NID2: variants seen among roughly 807,000 people sequenced by gnomAD.
NID2 encodes nidogen-2.
Under a neutral mutation model 145.4 loss-of-function variants are expected in NID2, and 83 were observed. That is an observed-to-expected ratio of 0.57 (90% CI 0.48 to 0.69). NID2 has a LOEUF of 0.69. Among genes scored for constraint, NID2 ranks in the 30% least tolerant of loss-of-function variants. NID2 has a pLI of 0.00. For missense variants in NID2, 1,807 were observed against 1,765.7 expected, an observed-to-expected ratio of 1.02 and a Z score of -0.42; for synonymous variants, 739 against 701.3, an observed-to-expected ratio of 1.05 and a Z score of -0.85.
rs1301665202 is a variant in NID2, at chr14:52,060,243, A to G, written c.648T>C (p.Asn216=). ...CCCGAGCTGGAAGCTGAAGCTGGAC[A>G]TTGTAAGACTCTTTGGGGCGGGTTC... ...FLGTRPKESY[N]VQLQLPARVG... is the part of the protein sequence containing the mutation. Residue 216 remains asparagine, a synonymous_variant, in exon 3 of 22, where the codon AAT becomes AAC. Transcript: ENST00000216286. 6 of 1,613,996 alleles carry G rather than the reference A, an allele frequency of 3.7e-6. No homozygotes were observed. The highest frequency in any genetic ancestry group is 2.2e-5 in the East Asian group (1 of 44,858).
chr14:52,055,049 G>T (rs1351111010), intron 3 of NID2, among the ~76,000 whole-genome samples: 1 of 152,196 alleles, frequency 6.6e-6, no homozygotes, highest in Admixed American at 6.5e-5. Context: ...ACACCCAAAT[G>T]ACTACGACAT....
intron 5 of NID2, among the ~76,000 whole-genome samples, chr14:52,047,187 A>T (rs1387102630): frequency 6.6e-6 from 1 of 152,232 alleles, no homozygotes; most frequent in East Asian, 1.9e-4. Flanking sequence ...GTCAATAAAC[A>T]AGTAAATTAC....
At chr14:52,030,519 A>AGAAG in intron 9 of NID2, among the ~76,000 whole-genome samples, 1 of 27,606 alleles carries the variant, frequency 3.6e-5, no homozygotes, top group South Asian at 1.0e-3. Flanking sequence ...AAGAAAGAAA[A>AGAAG]GAAAGAAAGA....
At chr14:52,033,170 T>G (rs1891933137) in intron 9 of NID2, among the ~76,000 whole-genome samples, 1 of 152,180 alleles carries the variant, frequency 6.6e-6, no homozygotes, top group Non-Finnish European at 1.5e-5. Context: ...CTTAAGACAT[T>G]TTCTATTTCG....
chr14:52,021,322 T>C (rs1479049938), intron 12 of NID2, among the ~76,000 whole-genome samples: 1 of 152,118 alleles, frequency 6.6e-6, no homozygotes, highest in African/African-American at 2.4e-5. Flanking sequence ...CACATCAGCA[T>C]GGGAAGACAG....
chr14:52,015,987 A>G (rs944688570), intron 14 of NID2, among the ~76,000 whole-genome samples: 2 of 152,046 alleles, frequency 1.3e-5, no homozygotes, highest in African/African-American at 4.8e-5. Context: ...TGCGCCTGGG[A>G]TTATCTCAAA....
rs776616712 is a variant in NID2, at chr14:52,042,945, C to CA, written c.1430-15dup. 13 of 1,613,776 alleles carry CA rather than the reference C, an allele frequency of 8.1e-6. No homozygotes were observed. The highest frequency in any genetic ancestry group is 1.1e-5 in the Non-Finnish European group (13 of 1,179,896). On this transcript the variant is annotated splice_polypyrimidine_tract_variant and intron_variant, in intron 5 of 21. Coordinates refer to ENST00000216286, the MANE Select transcript of NID2 (RefSeq NM_007361.4). ...TATACGTGAAGACTGAAAAATAAAA[C>CA]AAACTTGCCTTAAAAGGACTAAATG...
chr14:52,027,528 T>C lies in NID2; in HGVS notation c.2531-184A>G, dbSNP rs375562914. On this transcript the variant is annotated intron_variant, in intron 11 of 21. Transcript: ENST00000216286. ...AGATTCCTAGATGGTTTGTATGCTA[T>C]TAAAGTTCAAGTACTGGTATGAATT... Among the ~76,000 whole-genome samples, 15 of 152,158 alleles carry C rather than the reference T, an allele frequency of 9.9e-5. No individual in the cohort carries two copies. In the South Asian group the frequency reaches 1.7e-3, roughly 17 times the overall value.
intron 5 of NID2, among the ~76,000 whole-genome samples, chr14:52,044,590 A>T (rs2516591): frequency 7.8e-6 from 1 of 128,110 alleles, no homozygotes; most frequent in East Asian, 2.3e-4. Context: ...AATTTGCACA[A>T]CAACCCTAGG....
chr14:52,060,740 G>A (rs76248094), intron 2 of NID2, among the ~76,000 whole-genome samples: 2,147 of 152,268 alleles, frequency 0.014, 51 homozygotes, highest in African/African-American at 0.049. Context: ...CACTGCCCTA[G>A]TTTATAACCC....
chr14:52,043,505 C>T (rs893245824), intron 5 of NID2, among the ~76,000 whole-genome samples: 1 of 152,182 alleles, frequency 6.6e-6, no homozygotes, highest in Admixed American at 6.5e-5. Context: ...GGCAAAACAA[C>T]AGGGATTCAA....
intron 5 of NID2, among the ~76,000 whole-genome samples, chr14:52,050,302 T>C (rs185564780): frequency 6.6e-6 from 1 of 152,272 alleles, no homozygotes; most frequent in African/African-American, 2.4e-5. Context: ...TCTCTCTCCC[T>C]CCTTTCCTCC....
intron 9 of NID2, among the ~76,000 whole-genome samples, chr14:52,032,607 G>A (rs1213597662): frequency 6.6e-6 from 1 of 152,078 alleles, no homozygotes; most frequent in East Asian, 1.9e-4. Context: ...TCCATTTTAG[G>A]AAGATTCTGT....
intron 3 of NID2, among the ~76,000 whole-genome samples, chr14:52,056,166 T>C (rs964687422): frequency 2.0e-5 from 3 of 152,198 alleles, no homozygotes; most frequent in Non-Finnish European, 4.4e-5. Flanking sequence ...TTGAGTTTAT[T>C]ATCACATTAG....
Position 52,068,004 on chromosome 14 carries a change from G to T in NID2, c.388C>A (p.Pro130Thr), listed in dbSNP as rs780281159. Reference sequence around the variant, plus strand: ...CGGGCGGCCAGGCCCAGCACTGCGGGGGAGGTGTCCTCTCGGTACAGGACT... The same window carrying T: ...CGGGCGGCCAGGCCCAGCACTGCGGTGGAGGTGTCCTCTCGGTACAGGACT... ...GRVLYREDTS[P>T]AVLGLAARYV... The change falls in exon 2 of 22, where the codon CCC becomes ACC. Residue 130 changes from proline (P) to threonine (T), a missense_variant. Transcript: ENST00000216286. The T allele has an allele frequency of 1.9e-6, 3 of 1,612,580 alleles. No individual in the cohort carries two copies. The highest frequency in any genetic ancestry group is 2.2e-5 in the South Asian group (2 of 91,012).
At chr14:52,053,476 T>C (rs1892742183) in intron 5 of NID2, 103 bp downstream of exon 5, 2 of 1,268,236 alleles carry the variant, frequency 1.6e-6, no homozygotes, top group East Asian at 4.7e-5. Context: ...ATCTTCTTTT[T>C]GCTAAACTTT....
chr14:52,042,345 G>A lies in NID2; in HGVS notation c.1585C>T (p.Pro529Ser), dbSNP rs17831525. Residue 529 changes from proline to serine, a missense_variant, in exon 7 of 22, where the codon CCT becomes TCT. Pro to Ser is a moderately conservative substitution (Grantham distance 74). Coordinates refer to ENST00000216286, the MANE Select transcript of NID2 (RefSeq NM_007361.4). Reference protein sequence around the residue: ...NGKHCLPEGAPHRVNGKVSGH... With the variant: ...NGKHCLPEGASHRVNGKVSGH... ...CTCACTTTCCCATTCACTCGGTGAG[G>A]TGCCCCTAAAAGACAGCAAATCCAG... 0.029 allele frequency: 46,712 copies of A among 1,609,324 alleles called. 875 individuals are homozygous for A. The highest frequency in any genetic ancestry group is 0.033 in the Non-Finnish European group (38,947 of 1,176,504).
Position 52,053,773 on chromosome 14 carries a change from G to T in NID2, c.1235C>A (p.Pro412Gln), listed in dbSNP as rs767569309. ...DSLAPSWETP[P>Q]PYPENGSIQP... ...GATGCTTCCGTTTTCGGGGTACGGT[G>T]GTGGGGTTTCCCAGGAAGGAGCCAG... is the stretch of plus-strand genomic sequence containing the variant. The change falls in exon 5 of 22, where the codon CCA becomes CAA. Residue 412 changes from proline (P) to glutamine (Q), a missense_variant. By Grantham distance (76) the Pro-to-Gln change is moderately conservative. Coordinates refer to ENST00000216286, the MANE Select transcript of NID2 (RefSeq NM_007361.4). The T allele has an allele frequency of 5.0e-6, 8 of 1,614,108 alleles. No homozygotes were observed. The African/African-American group carries it at 1.1e-4, about 22-fold the overall frequency.
In NID2 at chr14:52,052,626, G is replaced by A. The variant is rs1382133944; in HGVS notation, c.1429+953C>T. Among the ~76,000 whole-genome samples, 5 of 152,298 alleles carry A rather than the reference G, an allele frequency of 3.3e-5. No homozygotes were observed. The East Asian group carries it at 9.6e-4, about 29-fold the overall frequency. On this transcript the variant is annotated intron_variant, in intron 5 of 21. Coordinates refer to ENST00000216286, the MANE Select transcript of NID2 (RefSeq NM_007361.4). ...TTAGTACCTCTCCATGCAATAGCCT[G>A]CAGATAATACCAGAGCAGAACCCAG...
Sources: allele counts gnomAD v4.1 joint callset (sites outside exome capture counted in the v4.1 genomes callset), GRCh38; gene constraint gnomAD v4.1.1; transcripts MANE v1.5; gene names NCBI Gene and HGNC (gene_info 2026-07-23, HGNC 2026-07-21).